KIF13B: variants seen among roughly 807,000 people sequenced by gnomAD.
KIF13B encodes kinesin family member 13B.
In KIF13B, 127 loss-of-function variants were observed where a neutral mutation model predicts 222.0. The ratio of observed to expected loss-of-function variants is 0.57; its 90% confidence interval spans 0.50 to 0.66. The LOEUF (loss-of-function observed/expected upper bound fraction) is 0.66. Ranked by LOEUF, KIF13B falls within the 30% of genes least tolerant of loss-of-function variation. The pLI is 0.00. For synonymous variants in KIF13B, 976 were observed against 919.0 expected (o/e 1.06, Z -1.12); for missense variants, 2,173 against 2,379.0 (o/e 0.91, Z 1.80).
In KIF13B at chr8:29,196,202, G is replaced by A; in HGVS notation, c.150-3C>T. ...AATCTCTTACCTTCGGCTGGCCCCT[G>A]AGCTCCCAAAACAGATGTCATCATT... On this transcript the variant is annotated splice_region_variant and splice_polypyrimidine_tract_variant and intron_variant, in intron 2 of 39. Coordinates refer to ENST00000524189, the MANE Select transcript of KIF13B (RefSeq NM_015254.4). 6.4e-7 allele frequency: 1 copy of A among 1,560,422 alleles called. No individual in the cohort carries two copies. The highest frequency in any genetic ancestry group is 8.7e-7 in the Non-Finnish European group (1 of 1,151,964).
intron 37 of KIF13B, among the ~76,000 whole-genome samples, chr8:29,079,611 G>A (rs1412694094): frequency 2.6e-5 from 4 of 152,288 alleles, no homozygotes; most frequent in African/African-American, 7.2e-5. Flanking sequence ...TGTGGGCATC[G>A]GGGAGGTAAA....
At chr8:29,257,500 A>C (rs546515097) in intron 1 of KIF13B, among the ~76,000 whole-genome samples, 1 of 152,204 alleles carries the variant, frequency 6.6e-6, no homozygotes, top group Non-Finnish European at 1.5e-5. Flanking sequence ...TAAGAAGTGG[A>C]AAAGTCGGAC....
intron 28 of KIF13B, 28 bp from the exon 29 acceptor site, chr8:29,122,674 G>A: frequency 6.3e-7 from 1 of 1,584,764 alleles, no homozygotes; most frequent in Non-Finnish European, 8.6e-7. Context: ...AATGGCATCT[G>A]CCTCAGGTTA....
intron 32 of KIF13B, among the ~76,000 whole-genome samples, chr8:29,112,855 T>G (rs533312105): frequency 6.6e-6 from 1 of 152,346 alleles, no homozygotes; most frequent in South Asian, 2.1e-4. Context: ...GTACCAGGGA[T>G]AAATTTAAGC....
In KIF13B at chr8:29,071,868, C is replaced by G. The variant is rs1448086506; in HGVS notation, c.4970G>C (p.Arg1657Pro). 65 of 1,535,418 alleles carry G rather than the reference C, an allele frequency of 4.2e-5. No individual in the cohort carries two copies. Among genetic ancestry groups the G allele is most frequent in the Non-Finnish European group, 5.2e-5 (60 of 1,145,638 alleles). Residue 1657 changes from arginine to proline, a missense_variant, in exon 39 of 40, where the codon CGC becomes CCC. By Grantham distance (103) the Arg-to-Pro change is moderately radical. This residue lies in a region of KIF13B where 693 missense variants were observed against 656.2 expected (regional missense o/e 1.06). Coordinates refer to ENST00000524189, the MANE Select transcript of KIF13B (RefSeq NM_015254.4). The surrounding 1 kb of genome is among the most constrained non-coding windows in gnomAD (Gnocchi z 4.9). ...RVRRVRASEL[R>P]SFSRMLAGDP... Reference sequence around the variant, plus strand: ...CCCAGCCAGCATGCGCGAGAAGGAGCGCAACTCCGAGGCCCGCACCCTCCG... The same window carrying G: ...CCCAGCCAGCATGCGCGAGAAGGAGGGCAACTCCGAGGCCCGCACCCTCCG...
chr8:29,163,669 A>G (rs1170007448), intron 12 of KIF13B, among the ~76,000 whole-genome samples: 3 of 152,242 alleles, frequency 2.0e-5, no homozygotes, highest in Non-Finnish European at 4.4e-5. Context: ...AAAGAAAAAC[A>G]TTCAACAGCA....
chr8:29,093,397 C>T (rs562385575), intron 36 of KIF13B, among the ~76,000 whole-genome samples: 1 of 152,226 alleles, frequency 6.6e-6, no homozygotes, highest in South Asian at 2.1e-4. Context: ...CAGGGAGAGA[C>T]GCCCTGAACA....
chr8:29,160,866 T>A lies in KIF13B; in HGVS notation c.1271A>T (p.Glu424Val), dbSNP rs1321185670. The change falls in exon 13 of 40, where the codon GAA becomes GTA. Residue 424 changes from glutamate (E) to valine (V), a missense_variant and splice_region_variant. This residue lies in a region of KIF13B where 1,480 missense variants were observed against 1,722.8 expected (regional missense o/e 0.86). Transcript: ENST00000524189. ...AAGACTCTCAAGCTGTTTCTGTCGT[T>A]CCTGTAAATGTTATCAGAGAAGTAT... ...KLRKTEEIAQ[E>V]RQKQLESLGI... 1 of 1,613,076 alleles carries A rather than the reference T, an allele frequency of 6.2e-7. No individual in the cohort carries two copies. The highest frequency in any genetic ancestry group is 2.2e-5 in the East Asian group (1 of 44,818).
chr8:29,136,417 A>G (rs1250815350), intron 21 of KIF13B, among the ~76,000 whole-genome samples: 2 of 151,950 alleles, frequency 1.3e-5, no homozygotes, highest in African/African-American at 4.8e-5. Context: ...CGTCTCTACT[A>G]AAAACACAAA....
rs746705721 is a variant in KIF13B, at chr8:29,134,172, C to G, written c.2652G>C (p.Leu884=). 3.7e-6 allele frequency: 6 copies of G among 1,614,006 alleles called. No individual in the cohort carries two copies. The East Asian group carries it at 1.3e-4, about 36-fold the overall frequency. The part of the protein sequence containing the change: ...ILQATGLPQH[L]SHFVFCKYSF... ...TGTATTTGCAGAACACAAAGTGGGA[C>G]AGATGCTGTGGCAACCCAGTAGCTT... The change falls in exon 22 of 40, where the codon CTG becomes CTC. Residue 884 remains leucine, a synonymous_variant. Transcript: ENST00000524189.
chr8:29,198,407 C>T (rs113066401), intron 2 of KIF13B, among the ~76,000 whole-genome samples: 7,157 of 152,094 alleles, frequency 0.047, 356 homozygotes, highest in African/African-American at 0.12. Flanking sequence ...CTGCAACCTC[C>T]GCCTCCTGGG....
chr8:29,201,929 A>T (rs904541145), intron 2 of KIF13B, among the ~76,000 whole-genome samples: 2 of 152,186 alleles, frequency 1.3e-5, no homozygotes, highest in Admixed American at 6.5e-5. Flanking sequence ...AAGTGACTAC[A>T]CTCACAACAG....
At chr8:29,145,831 A>C (rs1351649177) in intron 18 of KIF13B, 1 of 152,472 alleles carries the variant, frequency 6.6e-6, no homozygotes, top group Admixed American at 6.5e-5. Context: ...AGATGAAGGA[A>C]AAAAACCCAA....
intron 26 of KIF13B, among the ~76,000 whole-genome samples, chr8:29,126,031 G>A (rs1364114574): frequency 6.6e-6 from 1 of 151,880 alleles, no homozygotes; most frequent in African/African-American, 2.4e-5. Context: ...AAGTTGCAGT[G>A]AGCCGAGATG....
chr8:29,159,311 G>T (rs543297591), intron 13 of KIF13B, among the ~76,000 whole-genome samples: 2 of 151,910 alleles, frequency 1.3e-5, no homozygotes, highest in Non-Finnish European at 2.9e-5. Flanking sequence ...CCACCACCCC[G>T]GCTAATTTTT....
chr8:29,208,644 T>C (rs968137146), intron 2 of KIF13B, among the ~76,000 whole-genome samples: 6 of 152,226 alleles, frequency 3.9e-5, no homozygotes, highest in Non-Finnish European at 8.8e-5. Flanking sequence ...AATATTCAAA[T>C]AGACAACGGG....
chr8:29,083,840 C>T (rs1182010250), intron 37 of KIF13B, among the ~76,000 whole-genome samples: 1 of 151,960 alleles, frequency 6.6e-6, no homozygotes, highest in African/African-American at 2.4e-5. Flanking sequence ...AGAGAAAATG[C>T]TCATATATGT....
intron 2 of KIF13B, among the ~76,000 whole-genome samples, chr8:29,196,511 G>C (rs1356130822): frequency 6.6e-6 from 1 of 152,068 alleles, no homozygotes; most frequent in Non-Finnish European, 1.5e-5. Context: ...CTTTGTGTAT[G>C]TCTTATAAAT....
chr8:29,211,680 T>G (rs1192342938), intron 2 of KIF13B, among the ~76,000 whole-genome samples: 1 of 152,172 alleles, frequency 6.6e-6, no homozygotes, highest in Non-Finnish European at 1.5e-5. Flanking sequence ...AGGAAGCATG[T>G]GTAAGCTGGA....
Sources: gnomAD v4.1 joint callset for allele counts (sites outside exome capture counted in the v4.1 genomes callset) on GRCh38, gnomAD v4.1.1 for gene constraint, gnomAD v4.1.1 regional missense constraint, Gnocchi (gnomAD v3.1) non-coding constraint, MANE v1.5 for transcripts, NCBI Gene and HGNC (gene_info 2026-07-23, HGNC 2026-07-21) for gene names.